WNT2B: variants seen among roughly 807,000 people sequenced by gnomAD.
WNT2B encodes the protein protein Wnt-2b.
In WNT2B, 19 loss-of-function variants were observed where a neutral mutation model predicts 40.5. That is an observed-to-expected ratio of 0.47 (90% CI 0.33 to 0.69). The LOEUF (loss-of-function observed/expected upper bound fraction) is 0.69. WNT2B is among the 30% of genes least tolerant of loss of function. The pLI, the probability that WNT2B is intolerant of heterozygous loss-of-function variation, is 0.02. For synonymous variants in WNT2B, 220 were observed against 211.9 expected (o/e 1.04, Z -0.33); for missense variants, 467 against 556.4 (o/e 0.84, Z 1.62).
At chr1:112,508,091 A>G (rs551847060), upstream of WNT2B, among the ~76,000 whole-genome samples, 27 of 152,064 alleles carry the variant, frequency 1.8e-4, no homozygotes, top group East Asian at 7.8e-4. The surrounding 1 kb of genome is among the most constrained non-coding windows in gnomAD (Gnocchi z 4.2). Context: ...CGAAGGAGGG[A>G]AAAAGCTCCA....
chr1:112,487,668 C>T (rs1301904246), intron 1 of WNT2B, among the ~76,000 whole-genome samples: 2 of 152,138 alleles, frequency 1.3e-5, no homozygotes, highest in African/African-American at 2.4e-5. Flanking sequence ...TGTGGTAGCT[C>T]ACGCCTGTAA....
chr1:112,503,256 C>T lies in WNT2B; in HGVS notation c.-94-11618C>T, dbSNP rs550777291. On this transcript the variant is annotated intron_variant, in intron 1 of 4. Transcript: ENST00000256640. ...CAGATTTAGGAAGCAGAAAGACGGT[C>T]GGTCCCACAGAAGGAACTAGATCTC... 4.2e-4 allele frequency among the ~76,000 whole-genome samples: 64 copies of T among 152,190 alleles called. 2 individuals carry two copies. The highest frequency in any genetic ancestry group is 1.1e-3 in the African/African-American group (46 of 41,514).
At chr1:112,486,600 C>G (rs989440567) in intron 1 of WNT2B, among the ~76,000 whole-genome samples, 29 of 151,734 alleles carry the variant, frequency 1.9e-4, no homozygotes, top group African/African-American at 7.0e-4. Context: ...ACTTTCAAAT[C>G]ACACATTTAA....
At chr1:112,469,062 G>A (rs1365625615) in intron 1 of WNT2B, among the ~76,000 whole-genome samples, 1 of 152,148 alleles carries the variant, frequency 6.6e-6, no homozygotes, top group Non-Finnish European at 1.5e-5. Context: ...TGAAGAGGGT[G>A]TTCTTTCCCC....
rs1653854629 is a variant in WNT2B at position 112,528,638 on chromosome 1, C to G, written c.*8129C>G. 6.6e-6 allele frequency: 1 copy of G among 152,078 alleles called. No individual in the cohort carries two copies. The highest frequency in any genetic ancestry group is 2.4e-5 in the African/African-American group (1 of 41,392). 9.4% of individuals were successfully genotyped at this position (152,078 alleles called of 1,614,324 possible). ...GATACATTAATGTAGGCTTACAGGC[C>G]CAGAACCTGGCATAAATCAAGCCAA... On this transcript the variant is annotated 3_prime_UTR_variant, in exon 5 of 5. Transcript: ENST00000369684.
At chr1:112,467,400 A>T (rs1650739597) in exon 1 of WNT2B, 2 of 626,696 alleles carry the variant, frequency 3.2e-6, no homozygotes, top group African/African-American at 1.9e-5. Flanking sequence ...GAGGCCCATC[A>T]CTGGCATGGC....
chr1:112,467,510 CTCTT>C (rs758660731), exon 1 of WNT2B: 2 of 779,032 alleles, frequency 2.6e-6, no homozygotes, highest in South Asian at 2.7e-5. Flanking sequence ...TCTCCTTTCA[CTCTT>C]TCTCCTATAT....
intron 1 of WNT2B, among the ~76,000 whole-genome samples, chr1:112,488,022 A>T (rs1190326641): frequency 6.6e-6 from 1 of 151,132 alleles, no homozygotes; most frequent in Non-Finnish European, 1.5e-5. Flanking sequence ...GGCCAGGCAC[A>T]GTAGTTCACG....
chr1:112,490,868 C>A, intron 1 of WNT2B: 6 of 747,874 alleles, frequency 8.0e-6, no homozygotes, highest in Non-Finnish European at 1.3e-5. Context: ...AAGGTCTAGG[C>A]CAAAATTTAC....
intron 1 of WNT2B, among the ~76,000 whole-genome samples, chr1:112,473,450 A>T (rs1445290144): frequency 5.9e-5 from 9 of 151,274 alleles, no homozygotes; most frequent in African/African-American, 1.9e-4. Flanking sequence ...ATCTGAGATT[A>T]AAAAAAAATG....
intron 1 of WNT2B, among the ~76,000 whole-genome samples, chr1:112,483,181 T>TACAC (rs58250277): frequency 0.037 from 5,198 of 141,078 alleles, 103 homozygotes; most frequent in East Asian, 0.098. Context: ...GCAACATAGA[T>TACAC]ACACACACAC....
chr1:112,503,742 A>T (rs939550402), intron 1 of WNT2B, among the ~76,000 whole-genome samples: 11 of 152,190 alleles, frequency 7.2e-5, no homozygotes, highest in Admixed American at 6.5e-4. Flanking sequence ...ACATTCAGAC[A>T]GGGAGGGGGA....
rs755764834 is a variant in WNT2B at position 112,509,822 on chromosome 1, A to T, written c.182+378A>T. 6.6e-6 allele frequency among the ~76,000 whole-genome samples: 1 copy of T among 152,154 alleles called. No homozygotes were observed. Among genetic ancestry groups the T allele is most frequent in the African/African-American group, 2.4e-5 (1 of 41,444 alleles). On this transcript the variant is annotated intron_variant, in intron 1 of 4. Coordinates refer to ENST00000369684, the MANE Select transcript of WNT2B (RefSeq NM_024494.3). The surrounding 1 kb of genome is among the most constrained non-coding windows in gnomAD (Gnocchi z 4.2). ...CCGCAATAGCTTCGCCAGGGCCCCA[A>T]TCGCCTAAGGTCGCCCTCTGAGAGG...
intron 1 of WNT2B, among the ~76,000 whole-genome samples, chr1:112,485,621 A>G: frequency 6.6e-6 from 1 of 152,240 alleles, no homozygotes; most frequent in South Asian, 2.1e-4. Context: ...ATGCAATTCA[A>G]TGGAGAAAGC....
chr1:112,508,286 GC>G (rs1652190766), upstream of WNT2B, among the ~76,000 whole-genome samples: 1 of 151,510 alleles, frequency 6.6e-6, no homozygotes, highest in Non-Finnish European at 1.5e-5. This position sits in a 1 kb window ranked among gnomAD's most constrained non-coding sequence, Gnocchi z 4.2. Flanking sequence ...GTCCGCAGGT[GC>G]CCCCTTAGCG....
chr1:112,520,623 T>A lies in WNT2B; in HGVS notation c.*114T>A. On this transcript the variant is annotated 3_prime_UTR_variant, in exon 5 of 5. Coordinates refer to ENST00000369684, the MANE Select transcript of WNT2B (RefSeq NM_024494.3). ...ACCCTGGGCTGCTACCGCTTCTATT[T>A]AAGGATGTAGAGAGTAATCCATAGG... is the stretch of plus-strand genomic sequence containing the variant. 1 of 1,114,170 alleles carries A rather than the reference T, an allele frequency of 9.0e-7. No homozygotes were observed. Among genetic ancestry groups the A allele is most frequent in the Non-Finnish European group, 1.3e-6 (1 of 766,400 alleles). The allele number at this position is 1,114,170 out of a possible 1,614,324, so 69.0% of individuals were successfully genotyped here. A position where few individuals can be genotyped will look rare whatever the true frequency, so the allele number is the denominator to read the frequency against.
chr1:112,488,061 A>G (rs2101062119), intron 1 of WNT2B, among the ~76,000 whole-genome samples: 1 of 152,042 alleles, frequency 6.6e-6, no homozygotes, highest in African/African-American at 2.4e-5. Flanking sequence ...TGAGAGGCCA[A>G]GGCGGGCAAA....
rs1158788219 is a variant in WNT2B at position 112,526,138 on chromosome 1, G to A, written c.*5629G>A. 3.7e-6 allele frequency: 6 copies of A among 1,613,860 alleles called. No individual in the cohort carries two copies. Among genetic ancestry groups the A allele is most frequent in the Non-Finnish European group, 5.1e-6 (6 of 1,179,922 alleles). ...TTCAAAACAGAAATTGATACAAAAT[G>A]TTCAAGCCCTGTAGGAGTCCCAGGA... On this transcript the variant is annotated 3_prime_UTR_variant, in exon 5 of 5. Coordinates refer to ENST00000369684, the MANE Select transcript of WNT2B (RefSeq NM_024494.3).
At chr1:112,488,864 C>T (rs376405853) in intron 1 of WNT2B, among the ~76,000 whole-genome samples, 10 of 151,942 alleles carry the variant, frequency 6.6e-5, no homozygotes, top group African/African-American at 1.4e-4. Flanking sequence ...CTTTATTTAC[C>T]GTTTTTTTAG....
Sources: allele counts gnomAD v4.1 joint callset (sites outside exome capture counted in the v4.1 genomes callset), GRCh38; gene constraint gnomAD v4.1.1; non-coding constraint Gnocchi (gnomAD v3.1); transcripts MANE v1.5; gene names NCBI Gene and HGNC (gene_info 2026-07-23, HGNC 2026-07-21).